KLHL1: variants seen among roughly 807,000 people sequenced by gnomAD.
KLHL1 encodes kelch like family member 1.
A neutral mutation model predicts 77.7 loss-of-function variants in KLHL1; 47 were observed. The observed-to-expected ratio is 0.60, with a 90% CI of 0.48 to 0.77. KLHL1 has a LOEUF of 0.77. KLHL1 is among the 30% of genes least tolerant of loss of function. KLHL1 has a pLI of 0.00. For synonymous variants in KLHL1, 360 were observed against 325.2 expected, an observed-to-expected ratio of 1.11 and a Z score of -1.15; for missense variants, 925 against 910.8, an observed-to-expected ratio of 1.02 and a Z score of -0.20.
chr13:70,013,251 A>C (rs1303564498), intron 1 of KLHL1, among the ~76,000 whole-genome samples: 2 of 152,158 alleles, frequency 1.3e-5, no homozygotes, highest in Non-Finnish European at 2.9e-5. Flanking sequence ...CTATACATTA[A>C]AAAAATACTT....
At chr13:69,788,805 A>G (rs1876703540) in intron 7 of KLHL1, among the ~76,000 whole-genome samples, 1 of 152,186 alleles carries the variant, frequency 6.6e-6, no homozygotes, top group Admixed American at 6.6e-5. Flanking sequence ...GATTTTAGAA[A>G]GACTTGATCA....
intron 5 of KLHL1, among the ~76,000 whole-genome samples, chr13:69,869,599 A>G (rs992777793): frequency 5.3e-5 from 8 of 152,158 alleles, no homozygotes; most frequent in African/African-American, 1.9e-4. Context: ...GGAAAAGTGT[A>G]TATCTGTCTG....
intron 7 of KLHL1, among the ~76,000 whole-genome samples, chr13:69,753,356 C>T (rs1258748865): frequency 6.6e-6 from 1 of 152,140 alleles, no homozygotes; most frequent in East Asian, 1.9e-4. Flanking sequence ...CAGGAATTTT[C>T]ACAAGAGGAT....
At chr13:69,726,984 A>T (rs1873330463) in intron 8 of KLHL1, among the ~76,000 whole-genome samples, 1 of 152,152 alleles carries the variant, frequency 6.6e-6, no homozygotes, top group Non-Finnish European at 1.5e-5. Flanking sequence ...AAACTTATCA[A>T]TGAAAAAGCA....
At chr13:69,809,223 A>G (rs1302578767) in intron 6 of KLHL1, among the ~76,000 whole-genome samples, 1 of 152,172 alleles carries the variant, frequency 6.6e-6, no homozygotes, top group Non-Finnish European at 1.5e-5. Flanking sequence ...CCTGCGAGAT[A>G]CTAAGACTAT....
chr13:70,022,281 T>TGTGTGTGTGTGTGTGTG (rs67661890), intron 1 of KLHL1, among the ~76,000 whole-genome samples: 3 of 134,632 alleles, frequency 2.2e-5, no homozygotes, highest in African/African-American at 9.1e-5. Context: ...ACGTGTGTGT[T>TGTGTGTGTGTGTGTGTG]TGTGTGTGTG....
intron 1 of KLHL1, among the ~76,000 whole-genome samples, chr13:70,086,843 T>A (rs925749818): frequency 6.6e-6 from 1 of 152,072 alleles, no homozygotes; most frequent in Non-Finnish European, 1.5e-5. Flanking sequence ...TTTGACTTCA[T>A]CTTTCCTGAA....
chr13:69,786,012 T>C (rs959727728), intron 7 of KLHL1, among the ~76,000 whole-genome samples: 12 of 152,182 alleles, frequency 7.9e-5, no homozygotes, highest in Admixed American at 5.2e-4. Context: ...GTGGCAATAA[T>C]CAACAGCTTA....
Position 70,001,294 on chromosome 13 carries a change from A to G in KLHL1, c.498-25492T>C, listed in dbSNP as rs139236120. Among the ~76,000 whole-genome samples, 213 of 151,320 alleles carry G rather than the reference A, an allele frequency of 1.4e-3. 1 individual carries two copies. The highest frequency in any genetic ancestry group is 5.0e-3 in the African/African-American group (206 of 41,528). On this transcript the variant is annotated intron_variant, in intron 1 of 10. Coordinates refer to ENST00000377844, the MANE Select transcript of KLHL1 (RefSeq NM_020866.3). ...CTTATAAAAATAACAATTCAAAATT[A>G]TTTGACTTACGAATTCTGCAAACAT... is the stretch of plus-strand genomic sequence containing the variant.
At chr13:69,973,156 C>T (rs1256459279) in intron 2 of KLHL1, among the ~76,000 whole-genome samples, 1 of 151,734 alleles carries the variant, frequency 6.6e-6, no homozygotes, top group Non-Finnish European at 1.5e-5. Context: ...TAAAAATATG[C>T]CTAACAGTAA....
chr13:69,967,107 C>T (rs1018279515), intron 2 of KLHL1, among the ~76,000 whole-genome samples: 13 of 152,018 alleles, frequency 8.6e-5, no homozygotes, highest in Non-Finnish European at 1.2e-4. Context: ...GATTTTGTTT[C>T]CTTTGGACAG....
At chr13:70,057,959 C>A (rs562639536) in intron 1 of KLHL1, among the ~76,000 whole-genome samples, 1 of 152,094 alleles carries the variant, frequency 6.6e-6, no homozygotes, top group South Asian at 2.1e-4. Context: ...ATGTACAAAT[C>A]AATCATATCA....
chr13:69,953,551 A>G (rs1404034693), intron 3 of KLHL1, among the ~76,000 whole-genome samples: 1 of 151,170 alleles, frequency 6.6e-6, no homozygotes, highest in Non-Finnish European at 1.5e-5. Context: ...GTATCTGACA[A>G]TATGATATTG....
chr13:69,919,512 G>T (rs1398565394), intron 4 of KLHL1, among the ~76,000 whole-genome samples: 1 of 151,998 alleles, frequency 6.6e-6, no homozygotes, highest in Admixed American at 6.6e-5. Context: ...AAAGATTAAT[G>T]AAACAGGTGG....
chr13:69,718,258 A>T (rs77871760), intron 9 of KLHL1, among the ~76,000 whole-genome samples: 1 of 152,126 alleles, frequency 6.6e-6, no homozygotes, highest in African/African-American at 2.4e-5. Flanking sequence ...TCTCCCAAAA[A>T]GCTTTCTGTG....
chr13:69,761,741 G>T (rs1875032061), intron 7 of KLHL1, among the ~76,000 whole-genome samples: 2 of 152,156 alleles, frequency 1.3e-5, no homozygotes, highest in Non-Finnish European at 2.9e-5. Context: ...AAGGATATAA[G>T]TCCAATGTTA....
intron 3 of KLHL1, among the ~76,000 whole-genome samples, chr13:69,947,031 TGTGTGTG>T (rs1566433282): frequency 6.1e-3 from 4 of 654 alleles, no homozygotes; most frequent in Non-Finnish European, 0.012. Context: ...GTGTGTGTTG[TGTGTGTG>T]TGTGTGTGTG....
chr13:70,061,345 T>A (rs1397884908), intron 1 of KLHL1, among the ~76,000 whole-genome samples: 1 of 152,032 alleles, frequency 6.6e-6, no homozygotes, highest in Non-Finnish European at 1.5e-5. Flanking sequence ...ATTCCATTTT[T>A]TTTTTTTCTG....
chr13:69,990,310 A>G (rs1884993701), intron 1 of KLHL1, among the ~76,000 whole-genome samples: 1 of 152,050 alleles, frequency 6.6e-6, no homozygotes, highest in African/African-American at 2.4e-5. Context: ...GATAAAATCT[A>G]CACATATCAA....
Sources: allele counts gnomAD v4.1 joint callset (sites outside exome capture counted in the v4.1 genomes callset), GRCh38; gene constraint gnomAD v4.1.1; transcripts MANE v1.5; gene names NCBI Gene and HGNC (gene_info 2026-07-23, HGNC 2026-07-21).